Variants in ELMO1 observed in about 807,000 individuals in gnomAD.
ELMO1 encodes the protein engulfment and cell motility protein 1.
Under a neutral mutation model 98.9 loss-of-function variants are expected in ELMO1, and 26 were observed. That is an observed-to-expected ratio of 0.26 (90% CI 0.19 to 0.36). The LOEUF is 0.36. ELMO1 is among the 10% of genes least tolerant of loss of function. ELMO1 has a pLI of 1.00. For synonymous variants in ELMO1, 346 were observed against 346.0 expected, an observed-to-expected ratio of 1.00 and a Z score of 0.00; for missense variants, 627 against 935.2, an observed-to-expected ratio of 0.67 and a Z score of 4.30.
chr7:37,380,205 TA>T (rs1049657394), intron 1 of ELMO1, among the ~76,000 whole-genome samples: 5 of 152,210 alleles, frequency 3.3e-5, no homozygotes, highest in African/African-American at 4.8e-5. Context: ...ATATTACTAA[TA>T]AAGCTCTCCT....
intron 1 of ELMO1, among the ~76,000 whole-genome samples, chr7:37,357,512 C>A (rs1453840816): frequency 6.6e-6 from 1 of 152,194 alleles, no homozygotes; most frequent in Non-Finnish European, 1.5e-5. Flanking sequence ...CTCTAAACAG[C>A]AGAACCTCAG....
At chr7:37,026,852 G>A (rs908470276) in intron 15 of ELMO1, among the ~76,000 whole-genome samples, 4 of 152,146 alleles carry the variant, frequency 2.6e-5, no homozygotes, top group Admixed American at 2.0e-4. Flanking sequence ...AAAGTGGAGA[G>A]GCTGGCTTTG....
intron 6 of ELMO1, among the ~76,000 whole-genome samples, chr7:37,255,848 G>C (rs1795611944): frequency 6.6e-6 from 1 of 151,474 alleles, no homozygotes; most frequent in Admixed American, 6.6e-5. Context: ...TAACATGTTA[G>C]TGTTGCCGAG....
chr7:37,411,903 T>C (rs529039184), intron 1 of ELMO1, among the ~76,000 whole-genome samples: 11 of 152,322 alleles, frequency 7.2e-5, no homozygotes, highest in African/African-American at 2.6e-4. Flanking sequence ...TGTCTTTCAC[T>C]GCTTTAAACA....
intron 2 of ELMO1, among the ~76,000 whole-genome samples, chr7:37,323,811 C>G (rs556418936): frequency 6.6e-6 from 1 of 152,114 alleles, no homozygotes; most frequent in South Asian, 2.1e-4. Flanking sequence ...CCCTCTGAGC[C>G]GTCTTCTAGG....
intron 4 of ELMO1, among the ~76,000 whole-genome samples, chr7:37,305,882 G>T (rs1306705521): frequency 6.6e-6 from 1 of 152,202 alleles, no homozygotes; most frequent in African/African-American, 2.4e-5. Flanking sequence ...ACGATAAAGC[G>T]ATGTAGGTCC....
chr7:36,899,616 T>G (rs2129057939), intron 16 of ELMO1, among the ~76,000 whole-genome samples: 1 of 150,640 alleles, frequency 6.6e-6, no homozygotes, highest in East Asian at 1.9e-4. Context: ...CATGCATGTT[T>G]CCTGGGGCTT....
intron 2 of ELMO1, among the ~76,000 whole-genome samples, chr7:37,340,940 GACCACTGA>G (rs1165810151): frequency 2.0e-5 from 3 of 152,122 alleles, no homozygotes; most frequent in African/African-American, 7.2e-5. Flanking sequence ...CTTGGGATGG[GACCACTGA>G]AAATAGTTAT....
intron 5 of ELMO1, among the ~76,000 whole-genome samples, chr7:37,264,550 G>C (rs934927936): frequency 1.1e-4 from 16 of 152,124 alleles, no homozygotes; most frequent in Admixed American, 9.8e-4. Flanking sequence ...AGATAGCCTT[G>C]GTTCTGATTT....
At chr7:37,074,122 AAT>A in intron 15 of ELMO1, among the ~76,000 whole-genome samples, 1 of 148,172 alleles carries the variant, frequency 6.7e-6, no homozygotes, top group East Asian at 1.9e-4. Context: ...TAAGTATATA[AAT>A]ATATTTATAT....
chr7:37,266,709 A>G (rs1015091067), intron 5 of ELMO1, among the ~76,000 whole-genome samples: 3 of 152,100 alleles, frequency 2.0e-5, no homozygotes, highest in African/African-American at 4.8e-5. Context: ...AGCACATGAG[A>G]TAGGTAGAAA....
chr7:36,970,180 A>AAT (rs1351505023), intron 16 of ELMO1, among the ~76,000 whole-genome samples: 108 of 144,352 alleles, frequency 7.5e-4, no homozygotes, highest in African/African-American at 2.7e-3. Flanking sequence ...TCATACACTT[A>AAT]ACACACACAC....
At position 36,953,266 on chromosome 7, in the gene ELMO1, T is replaced by C. The variant is rs554535757; in HGVS notation, c.1438-58249A>G. ...ACAGGTATGAGCCACCGTGCCTCTCTTGACATACTACTCTTGAACGTACTA... is the reference window on the plus strand; with the variant it reads ...ACAGGTATGAGCCACCGTGCCTCTCCTGACATACTACTCTTGAACGTACTA... On this transcript the variant is annotated intron_variant, in intron 16 of 21. Transcript: ENST00000310758. Among the ~76,000 whole-genome samples, 430 of 152,252 alleles carry C rather than the reference T, an allele frequency of 2.8e-3. 2 individuals carry two copies. The highest frequency in any genetic ancestry group is 1.0e-2 in the African/African-American group (414 of 41,552).
intron 16 of ELMO1, among the ~76,000 whole-genome samples, chr7:36,994,289 CT>C (rs1353287630): frequency 6.6e-6 from 1 of 152,190 alleles, no homozygotes; most frequent in East Asian, 1.9e-4. Flanking sequence ...AAATAAAGTT[CT>C]TCCTCTATGT....
Position 37,297,155 on chromosome 7 carries a change from A to G in ELMO1, c.192+17695T>C, listed in dbSNP as rs1798069662. Among the ~76,000 whole-genome samples the G allele has an allele frequency of 2.0e-5, 3 of 152,198 alleles. No individual in the cohort carries two copies. The South Asian group carries it at 6.2e-4, about 32-fold the overall frequency. On this transcript the variant is annotated intron_variant, in intron 4 of 21. Transcript: ENST00000310758. ...ATCAACTTAGCCTGGCATCTTAATA[A>G]TAATAATAAAGCTTGCCTTCACTGT...
chr7:37,059,086 T>C (rs1241710351), intron 15 of ELMO1, among the ~76,000 whole-genome samples: 1 of 152,186 alleles, frequency 6.6e-6, no homozygotes, highest in Non-Finnish European at 1.5e-5. Flanking sequence ...AGTTTCATGC[T>C]GGAATATTTT....
At chr7:37,292,736 T>TA (rs1797784335) in intron 4 of ELMO1, among the ~76,000 whole-genome samples, 2 of 25,232 alleles carry the variant, frequency 7.9e-5, no homozygotes, top group African/African-American at 2.1e-4. Flanking sequence ...GGGAGGGAGG[T>TA]GGGGGGGTCA....
chr7:36,861,631 C>T (rs1414161651), intron 21 of ELMO1, 28 bp downstream of exon 21: 15 of 1,600,002 alleles, frequency 9.4e-6, no homozygotes, highest in East Asian at 2.2e-5. Context: ...AACATTATCT[C>T]ATAAATTATC....
At chr7:37,127,977 GAGGTCA>G (rs1786648786) in intron 14 of ELMO1, among the ~76,000 whole-genome samples, 1 of 152,166 alleles carries the variant, frequency 6.6e-6, no homozygotes, top group Admixed American at 6.5e-5. Flanking sequence ...CAGATCATCT[GAGGTCA>G]GGAGTTCAAG....
Sources: gnomAD v4.1 joint callset for allele counts (sites outside exome capture counted in the v4.1 genomes callset) on GRCh38, gnomAD v4.1.1 for gene constraint, MANE v1.5 for transcripts, NCBI Gene and HGNC (gene_info 2026-07-23, HGNC 2026-07-21) for gene names.